Variants in PDPK1 observed in about 807,000 individuals in gnomAD.
The protein encoded by PDPK1 is 3-phosphoinositide dependent protein kinase 1.
In PDPK1, 7 loss-of-function variants were observed where a neutral mutation model predicts 39.8. The ratio of observed to expected loss-of-function variants is 0.18; its 90% confidence interval spans 0.10 to 0.33. The LOEUF (loss-of-function observed/expected upper bound fraction) is 0.33, where lower values mean the gene tolerates loss of function less well. Among genes scored for constraint, PDPK1 ranks in the 10% least tolerant of loss-of-function variants. The pLI is 1.00. For synonymous variants in PDPK1, 118 were observed against 159.1 expected, an observed-to-expected ratio of 0.74 and a Z score of 1.95; for missense variants, 182 against 384.7, an observed-to-expected ratio of 0.47 and a Z score of 4.41.
chr16:2,587,485 C>T (rs549632831), intron 11 of PDPK1, among the ~76,000 whole-genome samples: 1 of 152,134 alleles, frequency 6.6e-6, no homozygotes, highest in South Asian at 2.1e-4. Flanking sequence ...TACTTTGTGT[C>T]CTTTGACTAT....
chr16:2,595,904 T>G (rs1358803781), intron 12 of PDPK1, 54 bp downstream of exon 12: 17 of 1,372,002 alleles, frequency 1.2e-5, no homozygotes, highest in Non-Finnish European at 1.7e-5. Flanking sequence ...CTTCCCCGAC[T>G]CCAGCTTAGG....
Position 2,601,714 on chromosome 16 carries a change from C to G in PDPK1, c.*3947C>G, listed in dbSNP as rs1401358854. On this transcript the variant is annotated 3_prime_UTR_variant, in exon 14 of 14. Transcript: ENST00000342085. ...CCCCCTTCCACCCGTGGGGCCCCAC[C>G]TTCAGGTCTTAGTGGTTCACAAGAG... 2.6e-5 allele frequency: 4 copies of G among 151,268 alleles called. No individual in the cohort carries two copies. The East Asian group carries it at 5.6e-4, about 21-fold the overall frequency. 9.4% of individuals were successfully genotyped at this position (151,268 alleles called of 1,614,324 possible). A position where few individuals can be genotyped will look rare whatever the true frequency, so the allele number is the denominator to read the frequency against.
At position 2,597,795 on chromosome 16, in the gene PDPK1, C is replaced by T. The variant is rs750591733; in HGVS notation, c.*28C>T. Reference sequence around the variant, plus strand: ...TGGCCTGCGGCCGGGCTGCCCTTCGCTGCCAGGACACCTGCCCCAGCGCGG... The same window carrying T: ...TGGCCTGCGGCCGGGCTGCCCTTCGTTGCCAGGACACCTGCCCCAGCGCGG... On this transcript the variant is annotated 3_prime_UTR_variant, in exon 14 of 14. Coordinates refer to ENST00000342085, the MANE Select transcript of PDPK1 (RefSeq NM_002613.5). This position sits in a 1 kb window ranked among gnomAD's most constrained non-coding sequence, Gnocchi z 6.3. 6.7e-7 allele frequency: 1 copy of T among 1,491,518 alleles called. No individual in the cohort carries two copies. Among genetic ancestry groups the T allele is most frequent in the Non-Finnish European group, 9.3e-7 (1 of 1,071,888 alleles). The allele number at this position is 1,491,518 out of a possible 1,614,324, so 92.4% of individuals were successfully genotyped here. A position where few individuals can be genotyped will look rare whatever the true frequency, so the allele number is the denominator to read the frequency against.
At chr16:2,547,086 C>T (rs1431029092) in intron 1 of PDPK1, among the ~76,000 whole-genome samples, 11 of 149,172 alleles carry the variant, frequency 7.4e-5, no homozygotes, top group Non-Finnish European at 1.5e-4. Flanking sequence ...AAGAATGGAG[C>T]GCTGGCTTTG....
rs1304706135 is a variant in PDPK1 at position 2,585,785 on chromosome 16, G to T, written c.1126-891G>T. 2.0e-5 allele frequency among the ~76,000 whole-genome samples: 3 copies of T among 152,250 alleles called. No homozygotes were observed. In the East Asian group the frequency reaches 5.8e-4, roughly 29 times the overall value. On this transcript the variant is annotated intron_variant, in intron 10 of 13. Coordinates refer to ENST00000342085, the MANE Select transcript of PDPK1 (RefSeq NM_002613.5). ...AGGCGGGGCTGTGGTGCAGCTGTAGGAGTGTGAACACATGGGGGACGCTGC... is the reference window on the plus strand; with the variant it reads ...AGGCGGGGCTGTGGTGCAGCTGTAGTAGTGTGAACACATGGGGGACGCTGC...
chr16:2,601,299 CTG>C lies in PDPK1; in HGVS notation c.*3533_*3534del, dbSNP rs1276402790. On this transcript the variant is annotated 3_prime_UTR_variant, in exon 14 of 14. Coordinates refer to ENST00000342085, the MANE Select transcript of PDPK1 (RefSeq NM_002613.5). The stretch of plus-strand genomic sequence containing the variant: ...ATAAGCCATGTGTTCCAAAGAATGT[CTG>C]AATAAGACCGCTCTTTATTTAAATG... 1 of 234,448 alleles carries C rather than the reference CTG, an allele frequency of 4.3e-6. No homozygotes were observed. The highest frequency in any genetic ancestry group is 5.6e-5 in the Admixed American group (1 of 17,752). 14.5% of individuals were successfully genotyped at this position (234,448 alleles called of 1,614,324 possible). A position where few individuals can be genotyped will look rare whatever the true frequency, so the allele number is the denominator to read the frequency against.
chr16:2,588,992 T>A (rs1011014982), intron 11 of PDPK1, among the ~76,000 whole-genome samples: 2 of 152,228 alleles, frequency 1.3e-5, no homozygotes, highest in Admixed American at 1.3e-4. Flanking sequence ...AGTCTTGCTC[T>A]GTCGCCCAGG....
In PDPK1 at chr16:2,602,073, G is replaced by A; in HGVS notation, c.*4306G>A. 4.3e-6 allele frequency: 1 copy of A among 234,536 alleles called. No homozygotes were observed. The highest frequency in any genetic ancestry group is 8.5e-6 in the Non-Finnish European group (1 of 117,908). The allele number at this position is 234,536 out of a possible 1,614,324, so 14.5% of individuals were successfully genotyped here. A position where few individuals can be genotyped will look rare whatever the true frequency, so the allele number is the denominator to read the frequency against. The stretch of plus-strand genomic sequence containing the variant: ...CCTGGCTGGTTGACAGACCCGGGGT[G>A]GTCACTGCTGAGACTTCAGAGATCG... On this transcript the variant is annotated 3_prime_UTR_variant, in exon 14 of 14. Coordinates refer to ENST00000342085, the MANE Select transcript of PDPK1 (RefSeq NM_002613.5).
chr16:2,597,363 G>A lies in PDPK1; in HGVS notation c.1554+88G>A. The A allele has an allele frequency of 1.6e-6, 2 of 1,213,586 alleles. No homozygotes were observed. The highest frequency in any genetic ancestry group is 2.9e-5 in the South Asian group (2 of 68,714). 75.2% of individuals were successfully genotyped at this position (1,213,586 alleles called of 1,614,324 possible). A position where few individuals can be genotyped will look rare whatever the true frequency, so the allele number is the denominator to read the frequency against. Reference sequence around the variant, plus strand: ...AGCAGCCACAGGCCTTGGCCAGAGGGAGCAGCGGGGATCGGGGCAGCTGCC... The same window carrying A: ...AGCAGCCACAGGCCTTGGCCAGAGGAAGCAGCGGGGATCGGGGCAGCTGCC... On this transcript the variant is annotated intron_variant, in intron 13 of 13. Transcript: ENST00000342085. The surrounding 1 kb of genome is among the most constrained non-coding windows in gnomAD (Gnocchi z 6.3).
intron 11 of PDPK1, among the ~76,000 whole-genome samples, chr16:2,590,393 G>T (rs183158592): frequency 1.3e-3 from 192 of 152,348 alleles, no homozygotes; most frequent in African/African-American, 3.9e-3. Flanking sequence ...CCCACAGGAA[G>T]AGAGAGAGGA....
intron 11 of PDPK1, among the ~76,000 whole-genome samples, chr16:2,590,327 T>G (rs2066963951): frequency 6.6e-6 from 1 of 152,202 alleles, no homozygotes; most frequent in Admixed American, 6.5e-5. Flanking sequence ...TCACTATGAC[T>G]TGAGGCCATG....
At chr16:2,545,151 C>T (rs2066317826) in intron 1 of PDPK1, among the ~76,000 whole-genome samples, 3 of 150,320 alleles carry the variant, frequency 2.0e-5, no homozygotes, top group Admixed American at 2.0e-4. Flanking sequence ...ATTCTCCTGC[C>T]TCTGCCTCCC....
chr16:2,545,020 A>C (rs928816481), intron 1 of PDPK1, among the ~76,000 whole-genome samples: 1 of 150,408 alleles, frequency 6.6e-6, no homozygotes, highest in African/African-American at 2.5e-5. Flanking sequence ...ATCACATCCG[A>C]GATAGCATTA....
intron 1 of PDPK1, among the ~76,000 whole-genome samples, chr16:2,544,888 A>G (rs2066311153): frequency 6.6e-6 from 1 of 151,530 alleles, no homozygotes; most frequent in South Asian, 2.1e-4. Context: ...CCTGGCCCAA[A>G]ATTTTTTTCT....
Position 2,538,117 on chromosome 16 carries a change from C to A in PDPK1, c.5C>A (p.Ala2Asp). Residue 2 changes from alanine to aspartate, a missense_variant, in exon 1 of 14, where the codon GCC becomes GAC. Physicochemically the swap from Ala to Asp is moderately radical, Grantham distance 126. Around this residue, in one of 5 missense-constraint regions of PDPK1, gnomAD observed 14 missense variants for 16.3 expected, o/e 0.86. Transcript: ENST00000342085. M[A>D]RTTSQLYDAV... is the part of the protein sequence containing the mutation. ...GCCCGCGCCGACGCGGGGCCCATGGCCAGGACCACCAGCCAGCTGGTGAGC... is the reference window on the plus strand; with the variant it reads ...GCCCGCGCCGACGCGGGGCCCATGGACAGGACCACCAGCCAGCTGGTGAGC... The A allele has an allele frequency of 9.4e-7, 1 of 1,065,060 alleles. No homozygotes were observed. Among genetic ancestry groups the A allele is most frequent in the Non-Finnish European group, 1.1e-6 (1 of 880,858 alleles). 66.0% of individuals were successfully genotyped at this position (1,065,060 alleles called of 1,614,324 possible).
chr16:2,591,778 T>C (rs1291135562), intron 11 of PDPK1, among the ~76,000 whole-genome samples: 1 of 152,240 alleles, frequency 6.6e-6, no homozygotes, highest in African/African-American at 2.4e-5. Flanking sequence ...TATTTTTGTT[T>C]TGGAAAGTAG....
intron 1 of PDPK1, among the ~76,000 whole-genome samples, chr16:2,552,130 G>C (rs2066426260): frequency 6.6e-6 from 1 of 150,840 alleles, no homozygotes; most frequent in Non-Finnish European, 1.5e-5. Context: ...CACTATGCCT[G>C]GCTACTTTTT....
chr16:2,539,189 C>G (rs2066197206), intron 1 of PDPK1: 1 of 166,542 alleles, frequency 6.0e-6, no homozygotes, highest in African/African-American at 2.4e-5. Context: ...AAGCGATTCT[C>G]CTGCCACAGC....
At position 2,593,442 on chromosome 16, in the gene PDPK1, C is replaced by G; in HGVS notation, c.1344-2351C>G. The G allele has an allele frequency of 3.7e-6, 1 of 269,786 alleles. No homozygotes were observed. The highest frequency in any genetic ancestry group is 3.4e-5 in the South Asian group (1 of 28,988). 16.7% of individuals were successfully genotyped at this position (269,786 alleles called of 1,614,324 possible). On this transcript the variant is annotated intron_variant, in intron 11 of 13. Coordinates refer to ENST00000342085, the MANE Select transcript of PDPK1 (RefSeq NM_002613.5). This position sits in a 1 kb window ranked among gnomAD's most constrained non-coding sequence, Gnocchi z 4.2. Reference sequence around the variant, plus strand: ...TCCTCTTTCCGTGGCTCCCACAGCTCAGTGCTGGGCTGCTGTTCTCGCTCT... The same window carrying G: ...TCCTCTTTCCGTGGCTCCCACAGCTGAGTGCTGGGCTGCTGTTCTCGCTCT...
Sources: gnomAD v4.1 joint callset for allele counts (sites outside exome capture counted in the v4.1 genomes callset) on GRCh38, gnomAD v4.1.1 for gene constraint, gnomAD v4.1.1 regional missense constraint, Gnocchi (gnomAD v3.1) non-coding constraint, MANE v1.5 for transcripts, NCBI Gene and HGNC (gene_info 2026-07-23, HGNC 2026-07-21) for gene names.